The following SS18 variants were observed in gnomAD, a reference collection of about 807,000 sequenced individuals.
The protein encoded by SS18 is SS18 subunit of BAF chromatin remodeling complex, also known as protein SSXT.
Under a neutral mutation model 72.5 loss-of-function variants are expected in SS18, and 28 were observed. The observed-to-expected ratio is 0.39, with a 90% CI of 0.29 to 0.53. The LOEUF is 0.53. Among genes scored for constraint, SS18 ranks in the 20% least tolerant of loss-of-function variants. The pLI, the probability that SS18 is intolerant of heterozygous loss-of-function variation, is 0.76. For synonymous variants in SS18, 172 were observed against 164.2 expected (o/e 1.05, Z -0.37); for missense variants, 518 against 535.3 (o/e 0.97, Z 0.32).
intron 1 of SS18, among the ~76,000 whole-genome samples, chr18:26,088,472 C>T (rs1483281974): frequency 6.6e-6 from 1 of 152,130 alleles, no homozygotes; most frequent in African/African-American, 2.4e-5. Flanking sequence ...TTGTTACAGA[C>T]TTTATGAGTT....
upstream of SS18, chr18:26,091,168 G>C (rs2054722015): frequency 6.5e-6 from 1 of 153,338 alleles, no homozygotes; most frequent in Non-Finnish European, 1.5e-5. Context: ...AGACTCGGGA[G>C]TTCGTGCAAA....
At chr18:26,030,242 C>T (rs1307271387) in intron 10 of SS18, among the ~76,000 whole-genome samples, 1 of 152,172 alleles carries the variant, frequency 6.6e-6, no homozygotes, top group African/African-American at 2.4e-5. Flanking sequence ...CATGCTTCTG[C>T]TTTACTGAAC....
At chr18:26,033,816 T>C (rs976868860) in intron 9 of SS18, among the ~76,000 whole-genome samples, 2 of 152,042 alleles carry the variant, frequency 1.3e-5, no homozygotes, top group African/African-American at 4.8e-5. Flanking sequence ...TCAACAAAAA[T>C]TAAGCTTTCT....
chr18:26,057,100 A>G (rs907678078), intron 4 of SS18, among the ~76,000 whole-genome samples: 4 of 152,362 alleles, frequency 2.6e-5, no homozygotes, highest in African/African-American at 9.6e-5. Context: ...TATTAAAAAA[A>G]TTTAGATTCA....
At chr18:26,090,348 C>T (rs2054700309) in intron 1 of SS18, among the ~76,000 whole-genome samples, 153 bp downstream of exon 1, 1 of 152,210 alleles carries the variant, frequency 6.6e-6, no homozygotes, top group African/African-American at 2.4e-5. Flanking sequence ...CCCACTCAGG[C>T]ACAGCCAGCA....
At chr18:26,062,292 A>T (rs969929274) in intron 3 of SS18, among the ~76,000 whole-genome samples, 1 of 152,228 alleles carries the variant, frequency 6.6e-6, no homozygotes, top group Middle Eastern at 3.2e-3. Flanking sequence ...AAATGAAATT[A>T]AACCGTTATA....
At chr18:26,026,383 CTAAAGAAGGAAAACCA>C (rs2053447675) in intron 10 of SS18, among the ~76,000 whole-genome samples, 1 of 152,058 alleles carries the variant, frequency 6.6e-6, no homozygotes, top group African/African-American at 2.4e-5. Flanking sequence ...AATTAGCAAA[CTAAAGAAGGAAAACCA>C]TAATTCCCTC....
chr18:26,070,939 G>A (rs2144102244), intron 3 of SS18, among the ~76,000 whole-genome samples: 1 of 152,096 alleles, frequency 6.6e-6, no homozygotes, highest in East Asian at 1.9e-4. Flanking sequence ...TGCCAGAGCA[G>A]ATCTAAAAAA....
intron 3 of SS18, among the ~76,000 whole-genome samples, chr18:26,074,045 G>A (rs1413990355): frequency 6.6e-6 from 1 of 152,078 alleles, no homozygotes; most frequent in Non-Finnish European, 1.5e-5. Context: ...GAGCTTGACA[G>A]CATCCCCATA....
chr18:26,022,253 G>A (rs1389808787), intron 10 of SS18, among the ~76,000 whole-genome samples: 1 of 152,142 alleles, frequency 6.6e-6, no homozygotes, highest in African/African-American at 2.4e-5. Flanking sequence ...GCTCTACTAG[G>A]TGACAGAGAC....
intron 2 of SS18, 95 bp from the exon 3 acceptor site, chr18:26,078,255 A>T (rs913104837): frequency 1.2e-6 from 1 of 868,538 alleles, no homozygotes; most frequent in African/African-American, 1.7e-5. Context: ...AAGTTTCATT[A>T]AAAATTTGTT....
In SS18 at chr18:26,027,671, TAAAAAAAAAAAAAA is replaced by T. The variant is rs68048813; in HGVS notation, c.1230+4714_1230+4727del. On this transcript the variant is annotated intron_variant, in intron 10 of 10. Coordinates refer to ENST00000415083, the MANE Select transcript of SS18 (RefSeq NM_001007559.3). Reference sequence around the variant, plus strand: ...TGGTGGTGACAGAGCGAGACTCATCTAAAAAAAAAAAAAAAAAAAAAAAAAAAAAAAAAGTCTTT... The same window carrying T: ...TGGTGGTGACAGAGCGAGACTCATCTAAAAAAAAAAAAAAAAAAAGTCTTT... 7.1e-3 allele frequency among the ~76,000 whole-genome samples: 195 copies of T among 27,306 alleles called. 3 individuals are homozygous for T. Among genetic ancestry groups the T allele is most frequent in the Middle Eastern group, 0.042 (1 of 24 alleles). 17.9% of individuals were successfully genotyped at this position (27,306 alleles called of 152,430 possible).
At chr18:26,069,051 G>A (rs908131834) in intron 3 of SS18, among the ~76,000 whole-genome samples, 10 of 152,152 alleles carry the variant, frequency 6.6e-5, no homozygotes, top group Non-Finnish European at 1.2e-4. Context: ...ATCACCATCA[G>A]TTGAGTCTCC....
At chr18:26,020,086 A>G (rs1567984141) in intron 10 of SS18, among the ~76,000 whole-genome samples, 1 of 152,212 alleles carries the variant, frequency 6.6e-6, no homozygotes, top group Non-Finnish European at 1.5e-5. Context: ...AAGGTTTAAA[A>G]TAAGAAAGTT....
intron 3 of SS18, among the ~76,000 whole-genome samples, chr18:26,072,462 C>T (rs1463936011): frequency 4.0e-5 from 6 of 151,822 alleles, no homozygotes; most frequent in Non-Finnish European, 8.8e-5. Flanking sequence ...GCTTATTTAG[C>T]TATGCTAATA....
At chr18:26,075,393 A>G (rs150101265) in intron 3 of SS18, among the ~76,000 whole-genome samples, 24 of 152,088 alleles carry the variant, frequency 1.6e-4, no homozygotes, top group Middle Eastern at 3.4e-3. Context: ...ATCAACAAGT[A>G]GGTTAATTAC....
intron 2 of SS18, among the ~76,000 whole-genome samples, chr18:26,086,732 G>A (rs1159707826): frequency 6.6e-6 from 1 of 152,150 alleles, no homozygotes; most frequent in African/African-American, 2.4e-5. Flanking sequence ...CCTTATGAAT[G>A]ACAATCAGTT....
chr18:26,023,710 C>A, intron 10 of SS18: 1 of 501,532 alleles, frequency 2.0e-6, no homozygotes, highest in Admixed American at 2.6e-5. Flanking sequence ...CTGATTATTA[C>A]CAGTACACCT....
At chr18:26,080,649 T>G (rs2144154285) in intron 2 of SS18, among the ~76,000 whole-genome samples, 1 of 152,352 alleles carries the variant, frequency 6.6e-6, no homozygotes, top group South Asian at 2.1e-4. Context: ...CTGTCAAATC[T>G]TTTCAATTTT....
Sources: allele counts gnomAD v4.1 joint callset (sites outside exome capture counted in the v4.1 genomes callset), GRCh38; gene constraint gnomAD v4.1.1; transcripts MANE v1.5; gene names NCBI Gene and HGNC (gene_info 2026-07-23, HGNC 2026-07-21).